TNFRSF14: variants seen among roughly 807,000 people sequenced by gnomAD.
The protein encoded by TNFRSF14 is TNF receptor superfamily member 14, also known as tumor necrosis factor receptor superfamily member 14.
A neutral mutation model predicts 34.1 loss-of-function variants in TNFRSF14; 18 were observed. That is an observed-to-expected ratio of 0.53 (90% CI 0.36 to 0.78). The LOEUF (loss-of-function observed/expected upper bound fraction) is 0.78. Ranked by LOEUF, TNFRSF14 falls within the 30% of genes least tolerant of loss-of-function variation. The pLI, the probability that TNFRSF14 is intolerant of heterozygous loss-of-function variation, is 0.00. For missense variants in TNFRSF14, 352 were observed against 379.5 expected (o/e 0.93, Z 0.60); for synonymous variants, 157 against 153.2 (o/e 1.02, Z -0.18).
upstream of TNFRSF14, chr1:2,556,293 C>T (rs1288051283): frequency 1.8e-5 from 10 of 566,046 alleles, no homozygotes; most frequent in Admixed American, 2.2e-4. Flanking sequence ...TTGGGGGGCT[C>T]CCCCTTCTAC....
chr1:2,558,403 C>G lies in TNFRSF14; in HGVS notation c.239C>G (p.Pro80Arg). The change falls in exon 3 of 8, where the codon CCA becomes CGA. Residue 80 changes from proline (P) to arginine (R), a missense_variant. By Grantham distance (103) the Pro-to-Arg change is moderately radical. Coordinates refer to ENST00000355716, the MANE Select transcript of TNFRSF14 (RefSeq NM_003820.4). ...GGCACAGTGTGTGAACCCTGCCCTC[C>G]AGGCACCTACATTGCCCACCTCAAT... The part of the protein sequence containing the change: ...LTGTVCEPCP[P>R]GTYIAHLNGL... 1 of 1,613,404 alleles carries G rather than the reference C, an allele frequency of 6.2e-7. No homozygotes were observed. Among genetic ancestry groups the G allele is most frequent in the Non-Finnish European group, 8.5e-7 (1 of 1,179,790 alleles).
chr1:2,560,427 C>G (rs927735412), intron 4 of TNFRSF14, 197 bp from the exon 5 acceptor site: 6 of 585,382 alleles, frequency 1.0e-5, no homozygotes, highest in Non-Finnish European at 1.8e-5. Flanking sequence ...CCCAGCTACT[C>G]AAGGCCGGGA....
Position 2,556,745 on chromosome 1 carries a change from AG to A in TNFRSF14, c.69+13del. The A allele has an allele frequency of 6.3e-7, 1 of 1,583,706 alleles. No individual in the cohort carries two copies. Among genetic ancestry groups the A allele is most frequent in the Non-Finnish European group, 8.6e-7 (1 of 1,166,362 alleles). On this transcript the variant is annotated intron_variant, in intron 1 of 7. Transcript: ENST00000355716. ...ACGTCTTGAGGCTGGTGAGCCCCCG[AG>A]CCTCCTCTCCGTCTGCTCGCAGATC...
chr1:2,559,379 T>C, intron 3 of TNFRSF14: 1 of 1,376,760 alleles, frequency 7.3e-7, no homozygotes. Context: ...CCTCCACCAG[T>C]ACCTGAAGAA....
rs980004121 is a variant in TNFRSF14, at chr1:2,556,693, C to G, written c.29C>G (p.Pro10Arg). The change falls in exon 1 of 8, where the codon CCT (proline) becomes CGT (arginine). Residue 10 changes from proline (P) to arginine (R), a missense_variant. Physicochemically the swap from Pro to Arg is moderately radical, Grantham distance 103. Transcript: ENST00000355716. MEPPGDWGP[P>R]PWRSTPKTDV... is the part of the protein sequence containing the mutation. ...GAGCCTCCTGGAGACTGGGGGCCTC[C>G]TCCCTGGAGATCCACCCCCAAAACC... 3.7e-6 allele frequency: 6 copies of G among 1,608,948 alleles called. No individual in the cohort carries two copies. The South Asian group carries it at 4.4e-5, about 12-fold the overall frequency.
intron 6 of TNFRSF14, chr1:2,562,609 T>A (rs1644326337): frequency 1.7e-6 from 1 of 605,494 alleles, no homozygotes; most frequent in Non-Finnish European, 2.9e-6. Flanking sequence ...GTTATGCACT[T>A]GGGGGCCTCA....
At chr1:2,560,051 G>T in intron 4 of TNFRSF14, 73 bp downstream of exon 4, 1 of 1,457,240 alleles carries the variant, frequency 6.9e-7, no homozygotes. Context: ...GGAGCCCCAG[G>T]TTTCCTCGAC....
chr1:2,562,050 C>T (rs1208525198), intron 6 of TNFRSF14: 3 of 588,604 alleles, frequency 5.1e-6, no homozygotes, highest in East Asian at 2.8e-5. Flanking sequence ...CCTCAGCCAC[C>T]CCTGCCCACG....
In TNFRSF14 at chr1:2,563,278, C is replaced by A; in HGVS notation, c.*5C>A. On this transcript the variant is annotated 3_prime_UTR_variant, in exon 8 of 8. Coordinates refer to ENST00000355716, the MANE Select transcript of TNFRSF14 (RefSeq NM_003820.4). ...GGGAGGAGCCCAAACCACTGACCCA[C>A]AGACTCTGCACCCCGACGCCAGAGA... 2 of 1,613,156 alleles carry A rather than the reference C, an allele frequency of 1.2e-6. No homozygotes were observed. Among genetic ancestry groups the A allele is most frequent in the Admixed American group, 1.7e-5 (1 of 59,982 alleles).
chr1:2,561,959 T>A lies in TNFRSF14; in HGVS notation c.694+144T>A. 1.1e-6 allele frequency: 1 copy of A among 921,564 alleles called. No homozygotes were observed. The highest frequency in any genetic ancestry group is 1.6e-6 in the Non-Finnish European group (1 of 608,314). 57.1% of individuals were successfully genotyped at this position (921,564 alleles called of 1,614,324 possible). The stretch of plus-strand genomic sequence containing the variant: ...GGCAGCCACTGCAGGCTGGGGCAGG[T>A]GGGCTTTCTGCTGTGGCCAGAGCCC... On this transcript the variant is annotated intron_variant, in intron 6 of 7. Coordinates refer to ENST00000355716, the MANE Select transcript of TNFRSF14 (RefSeq NM_003820.4). The surrounding 1 kb of genome is among the most constrained non-coding windows in gnomAD (Gnocchi z 6.0).
rs1644340718 is a variant in TNFRSF14 at position 2,563,394 on chromosome 1, CG to C, written c.*122del. On this transcript the variant is annotated 3_prime_UTR_variant, in exon 8 of 8. Transcript: ENST00000355716. Reference sequence around the variant, plus strand: ...GGGGGCTCCGCCCTGGGCTGGCTTCCGTCTCCTCCAGTGGAGGGAGAGGTGG... The same window carrying C: ...GGGGGCTCCGCCCTGGGCTGGCTTCCTCTCCTCCAGTGGAGGGAGAGGTGG... 6.7e-7 allele frequency: 1 copy of C among 1,498,732 alleles called. No individual in the cohort carries two copies. The highest frequency in any genetic ancestry group is 8.9e-7 in the Non-Finnish European group (1 of 1,117,588). 92.8% of individuals were successfully genotyped at this position (1,498,732 alleles called of 1,614,324 possible).
rs1644345760 is a variant in TNFRSF14 at position 2,563,681 on chromosome 1, G to C, written c.*408G>C. 3.7e-6 allele frequency: 1 copy of C among 267,508 alleles called. No individual in the cohort carries two copies. Among genetic ancestry groups the C allele is most frequent in the African/African-American group, 2.1e-5 (1 of 46,586 alleles). 16.6% of individuals were successfully genotyped at this position (267,508 alleles called of 1,614,324 possible). The stretch of plus-strand genomic sequence containing the variant: ...TGCCTCACAGCCAAGGCTGGACTGG[G>C]TTGGCTGCAGTGTGGTGTTTAGTGG... On this transcript the variant is annotated 3_prime_UTR_variant, in exon 8 of 8. Transcript: ENST00000355716.
In TNFRSF14 at chr1:2,561,325, C is replaced by G; in HGVS notation, c.552-348C>G. 1.3e-5 allele frequency: 8 copies of G among 634,000 alleles called. No individual in the cohort carries two copies. The highest frequency in any genetic ancestry group is 1.9e-5 in the Non-Finnish European group (7 of 368,386). The allele number at this position is 634,000 out of a possible 1,614,324, so 39.3% of individuals were successfully genotyped here. On this transcript the variant is annotated intron_variant, in intron 5 of 7. Transcript: ENST00000355716. The surrounding 1 kb of genome is among the most constrained non-coding windows in gnomAD (Gnocchi z 6.0). ...CTAACCATTTTTGTCCCGACACTGG[C>G]TCTCCCTCTACCTTCTGTCCTTGTC...
intron 3 of TNFRSF14, chr1:2,559,407 C>T: frequency 7.2e-7 from 1 of 1,385,662 alleles, no homozygotes. Context: ...TCTCACCCTA[C>T]CTGCCTCTGC....
upstream of TNFRSF14, chr1:2,556,344 T>G (rs1341277470): frequency 4.8e-6 from 3 of 624,302 alleles, no homozygotes; most frequent in East Asian, 3.2e-5. Context: ...GGGGGAGAAC[T>G]CGCCCCTCCC....
At chr1:2,557,657 T>G in intron 1 of TNFRSF14, 69 bp from the exon 2 acceptor site, 1 of 1,247,202 alleles carries the variant, frequency 8.0e-7, no homozygotes, top group South Asian at 1.5e-5. Flanking sequence ...ATTCAGGCTG[T>G]GGGGCCAAGC....
intron 1 of TNFRSF14, 140 bp downstream of exon 1, chr1:2,556,873 TC>T: frequency 1.2e-6 from 1 of 848,958 alleles, no homozygotes; most frequent in Non-Finnish European, 1.8e-6. Context: ...CCTGGGGCTC[TC>T]GGGTCAACCC....
At chr1:2,560,484 G>T in intron 4 of TNFRSF14, 140 bp from the exon 5 acceptor site, 1 of 628,642 alleles carries the variant, frequency 1.6e-6, no homozygotes, top group South Asian at 2.0e-5. Flanking sequence ...CTCTGGACAG[G>T]GAGCCTGCCC....
intron 6 of TNFRSF14, chr1:2,562,076 T>C (rs1165506930): frequency 3.7e-6 from 2 of 533,992 alleles, no homozygotes; most frequent in Non-Finnish European, 6.6e-6. Flanking sequence ...TATGACCCTG[T>C]GCTCCTGCCT....
Sources: gnomAD v4.1 joint callset for allele counts on GRCh38, gnomAD v4.1.1 for gene constraint, Gnocchi (gnomAD v3.1) non-coding constraint, MANE v1.5 for transcripts, NCBI Gene and HGNC (gene_info 2026-07-23, HGNC 2026-07-21) for gene names.